DDX60L: variants seen among roughly 807,000 people sequenced by gnomAD.
DDX60L encodes probable ATP-dependent RNA helicase DDX60-like.
A neutral mutation model predicts 211.6 loss-of-function variants in DDX60L; 191 were observed. The observed-to-expected ratio is 0.90, with a 90% CI of 0.80 to 1.02. DDX60L has a LOEUF of 1.02. DDX60L is among the 50% of genes least tolerant of loss of function. The pLI, the probability that DDX60L is intolerant of heterozygous loss-of-function variation, is 0.00. For synonymous variants in DDX60L, 706 were observed against 694.1 expected, an observed-to-expected ratio of 1.02 and a Z score of -0.27; for missense variants, 2,007 against 1,984.1, an observed-to-expected ratio of 1.01 and a Z score of -0.22.
chr4:168,366,566 C>T (rs1287195611), intron 36 of DDX60L, among the ~76,000 whole-genome samples: 1 of 151,736 alleles, frequency 6.6e-6, no homozygotes, highest in Non-Finnish European at 1.5e-5. Context: ...CCAAAATGAT[C>T]TATAAATTTA....
intron 8 of DDX60L, among the ~76,000 whole-genome samples, chr4:168,450,390 C>T (rs1453495500): frequency 6.6e-6 from 1 of 151,932 alleles, no homozygotes; most frequent in Non-Finnish European, 1.5e-5. Context: ...TTCCCCCTAC[C>T]CACCAAGTTG....
rs139120221 is a variant in DDX60L at position 168,410,136 on chromosome 4, A to G, written c.2980-3430T>C. 2.6e-5 allele frequency among the ~76,000 whole-genome samples: 4 copies of G among 152,320 alleles called. No homozygotes were observed. In the East Asian group the frequency reaches 7.7e-4, roughly 29 times the overall value. On this transcript the variant is annotated intron_variant, in intron 22 of 37. Coordinates refer to ENST00000682922, the MANE Select transcript of DDX60L (RefSeq NM_001012967.3). ...ATTTTATAATTTAATAAGAAAAAGA[A>G]GACATGAAAGCAAAAAATTATAACA...
In DDX60L at chr4:168,421,825, A is replaced by C; in HGVS notation, c.2329T>G (p.Tyr777Asp). 6.2e-7 allele frequency: 1 copy of C among 1,614,206 alleles called. No homozygotes were observed. The highest frequency in any genetic ancestry group is 8.5e-7 in the Non-Finnish European group (1 of 1,180,018). The change falls in exon 17 of 38, where the codon TAC becomes GAC. Residue 777 changes from tyrosine (Y) to aspartate (D), a missense_variant. Coordinates refer to ENST00000682922, the MANE Select transcript of DDX60L (RefSeq NM_001012967.3). ...TSSGKTYASY[Y>D]CMEKVLRESD... Reference sequence around the variant, plus strand: ...TCCCTCAGCACTTTCTCCATGCAGTAGTAGGAAGCATAGGTTTTGCCTGAG... The same window carrying C: ...TCCCTCAGCACTTTCTCCATGCAGTCGTAGGAAGCATAGGTTTTGCCTGAG...
chr4:168,401,029 T>C (rs377035361), intron 25 of DDX60L, 51 bp from the exon 26 acceptor site: 84 of 1,539,716 alleles, frequency 5.5e-5, no homozygotes, highest in Non-Finnish European at 4.0e-5. Context: ...TCTATCCATA[T>C]TGTAAACCAA....
chr4:168,408,728 A>C (rs1406858934), intron 22 of DDX60L, among the ~76,000 whole-genome samples: 1 of 152,240 alleles, frequency 6.6e-6, no homozygotes, highest in African/African-American at 2.4e-5. Context: ...TGGTGCCGAC[A>C]GCCTCTTTGG....
At chr4:168,423,823 G>A in intron 14 of DDX60L, 49 bp from the exon 15 acceptor site, 2 of 1,229,286 alleles carry the variant, frequency 1.6e-6, no homozygotes, top group Non-Finnish European at 2.3e-6. Context: ...AAAAATAACT[G>A]GTTGATCACT....
intron 24 of DDX60L, among the ~76,000 whole-genome samples, chr4:168,404,984 A>G (rs182824947): frequency 5.9e-5 from 9 of 151,792 alleles, no homozygotes; most frequent in Admixed American, 5.9e-4. Context: ...AGGCTAAATT[A>G]TTTGTAATAT....
intron 28 of DDX60L, among the ~76,000 whole-genome samples, chr4:168,392,688 A>C (rs1745052875): frequency 6.6e-6 from 1 of 152,128 alleles, no homozygotes; most frequent in African/African-American, 2.4e-5. Context: ...TATTAAAAAT[A>C]CAAAATTAGC....
intron 8 of DDX60L, among the ~76,000 whole-genome samples, chr4:168,450,542 A>T (rs577658195): frequency 6.6e-6 from 1 of 151,932 alleles, no homozygotes; most frequent in Non-Finnish European, 1.5e-5. Context: ...CACTACCTTT[A>T]TTTTATACCC....
At chr4:168,463,831 A>G (rs1303569128) in intron 4 of DDX60L, among the ~76,000 whole-genome samples, 1 of 152,226 alleles carries the variant, frequency 6.6e-6, no homozygotes, top group African/African-American at 2.4e-5. Flanking sequence ...GAATGGGCTC[A>G]TAATATACTT....
intron 6 of DDX60L, among the ~76,000 whole-genome samples, chr4:168,457,176 A>G (rs994417757): frequency 2.0e-5 from 3 of 151,910 alleles, no homozygotes; most frequent in Non-Finnish European, 4.4e-5. Flanking sequence ...TGATTGTGTC[A>G]CTGCACTCCA....
intron 28 of DDX60L, among the ~76,000 whole-genome samples, chr4:168,392,162 T>C (rs903259019): frequency 1.3e-5 from 2 of 152,226 alleles, no homozygotes; most frequent in African/African-American, 4.8e-5. Context: ...TCTTACGTAC[T>C]CTGGACAACC....
At chr4:168,459,034 C>T (rs1409215963) in intron 5 of DDX60L, among the ~76,000 whole-genome samples, 1 of 151,990 alleles carries the variant, frequency 6.6e-6, no homozygotes, top group African/African-American at 2.4e-5. Context: ...GTATGGACCC[C>T]CAATCCTGAA....
At chr4:168,478,903 TTA>T (rs1248796719) in intron 1 of DDX60L, among the ~76,000 whole-genome samples, 2 of 152,316 alleles carry the variant, frequency 1.3e-5, no homozygotes, top group African/African-American at 4.8e-5. Context: ...AATTTTTGTT[TTA>T]TGTCTTTCTC....
chr4:168,427,158 T>C lies in DDX60L; in HGVS notation c.1842A>G (p.Ser614=). 6.2e-7 allele frequency: 1 copy of C among 1,610,898 alleles called. No individual in the cohort carries two copies. The highest frequency in any genetic ancestry group is 8.5e-7 in the Non-Finnish European group (1 of 1,177,950). Residue 614 remains serine (S), a synonymous_variant, in exon 14 of 38, where the codon TCA becomes TCG. Transcript: ENST00000682922. The part of the protein sequence containing the change: ...GIRKLEDYLT[S]CASNSVKFGV... ...CAAATTTCACTGAATTACTTGCACA[T>C]GATGTCAAATAATCTTCCAATTTCC...
chr4:168,443,524 G>C (rs1476909420), intron 9 of DDX60L, among the ~76,000 whole-genome samples: 2 of 151,904 alleles, frequency 1.3e-5, no homozygotes, highest in Non-Finnish European at 2.9e-5. Context: ...GAAATATAGA[G>C]AACGCCAAAA....
At chr4:168,367,184 C>CGATT (rs1553986310) in intron 36 of DDX60L, among the ~76,000 whole-genome samples, 1 of 151,518 alleles carries the variant, frequency 6.6e-6, no homozygotes, top group African/African-American at 2.4e-5. Context: ...AACTATGAAA[C>CGATT]AATATGGTTT....
chr4:168,440,267 TA>T (rs1753640016), intron 10 of DDX60L, among the ~76,000 whole-genome samples: 1 of 152,220 alleles, frequency 6.6e-6, no homozygotes, highest in South Asian at 2.1e-4. Flanking sequence ...GAAGCAATTC[TA>T]AAATTCCAAA....
intron 10 of DDX60L, among the ~76,000 whole-genome samples, chr4:168,433,605 G>GAACTA (rs1241781965): frequency 6.6e-6 from 1 of 152,062 alleles, no homozygotes; most frequent in African/African-American, 2.4e-5. Flanking sequence ...CCTATGTATG[G>GAACTA]TTTACATGCT....
Sources: gnomAD v4.1 joint callset for allele counts (sites outside exome capture counted in the v4.1 genomes callset) on GRCh38, gnomAD v4.1.1 for gene constraint, MANE v1.5 for transcripts, NCBI Gene and HGNC (gene_info 2026-07-23, HGNC 2026-07-21) for gene names.